CDK5: variants seen among roughly 807,000 people sequenced by gnomAD.
CDK5 encodes the protein cyclin dependent kinase 5.
In CDK5, 18 loss-of-function variants were observed where a neutral mutation model predicts 44.6. That is an observed-to-expected ratio of 0.40 (90% CI 0.28 to 0.60). The LOEUF (loss-of-function observed/expected upper bound fraction) is 0.60. Ranked by LOEUF, CDK5 falls within the 20% of genes least tolerant of loss-of-function variation. The pLI is 0.38. For missense variants in CDK5, 198 were observed against 368.1 expected (o/e 0.54, Z 3.78); for synonymous variants, 143 against 152.8 (o/e 0.94, Z 0.47).
Position 151,053,949 on chromosome 7 carries a change from C to G in CDK5, c.*60G>C. ...CACCAGGCACCCCCACTGTCTCACC[C>G]CTCTCAAGAGGGGGCTTAAATAGGC... On this transcript the variant is annotated 3_prime_UTR_variant, in exon 12 of 12. Transcript: ENST00000485972. 1.4e-6 allele frequency: 2 copies of G among 1,445,418 alleles called. No individual in the cohort carries two copies. Among genetic ancestry groups the G allele is most frequent in the Non-Finnish European group, 1.9e-6 (2 of 1,056,522 alleles). 89.5% of individuals were successfully genotyped at this position (1,445,418 alleles called of 1,614,324 possible).
At chr7:151,055,485 G>A in intron 7 of CDK5, 47 bp downstream of exon 7, 1 of 1,578,366 alleles carries the variant, frequency 6.3e-7, no homozygotes. Flanking sequence ...TGGGGTTGGA[G>A]CTGAGGGACT....
chr7:151,055,882 C>T (rs1270392177), intron 5 of CDK5, 34 bp from the exon 6 acceptor site: 1 of 1,439,990 alleles, frequency 6.9e-7, no homozygotes, highest in South Asian at 1.2e-5. Flanking sequence ...AGTCAGACGC[C>T]CTGAACATGC....
intron 8 of CDK5, 52 bp downstream of exon 8, chr7:151,055,225 T>C (rs894573544): frequency 1.9e-6 from 3 of 1,580,354 alleles, no homozygotes. Context: ...CAGACCCTAT[T>C]TGTCAACTCA....
rs1348037459 is a variant in CDK5, at chr7:151,054,328, G to C, written c.712-36C>G. 2 of 1,612,500 alleles carry C rather than the reference G, an allele frequency of 1.2e-6. No homozygotes were observed. The highest frequency in any genetic ancestry group is 1.7e-6 in the Non-Finnish European group (2 of 1,178,748). On this transcript the variant is annotated intron_variant, in intron 10 of 11. Coordinates refer to ENST00000485972, the MANE Select transcript of CDK5 (RefSeq NM_004935.4). The surrounding 1 kb of genome is among the most constrained non-coding windows in gnomAD (Gnocchi z 5.7). ...GCAGGGAGGGTCAGACTAGAGGTAGGGGGAGGGGGATGGAGGCGCTAGGAA... is the reference window on the plus strand; with the variant it reads ...GCAGGGAGGGTCAGACTAGAGGTAGCGGGAGGGGGATGGAGGCGCTAGGAA...
chr7:151,055,013 G>A lies in CDK5; in HGVS notation c.650+14C>T. On this transcript the variant is annotated intron_variant, in intron 9 of 11. Coordinates refer to ENST00000485972, the MANE Select transcript of CDK5 (RefSeq NM_004935.4). The stretch of plus-strand genomic sequence containing the variant: ...CCCTCCCAGAGGGCTCAAGGCAGAG[G>A]AAAGCAAGGATATCGGAAGATCCTC... The A allele has an allele frequency of 6.2e-7, 1 of 1,613,548 alleles. No individual in the cohort carries two copies. The highest frequency in any genetic ancestry group is 8.5e-7 in the Non-Finnish European group (1 of 1,179,612).
In CDK5 at chr7:151,054,788, C is replaced by G. The variant is rs1033123910; in HGVS notation, c.650+239G>C. On this transcript the variant is annotated intron_variant, in intron 9 of 11. Coordinates refer to ENST00000485972, the MANE Select transcript of CDK5 (RefSeq NM_004935.4). This position sits in a 1 kb window ranked among gnomAD's most constrained non-coding sequence, Gnocchi z 5.7. ...CATCCATCTCTCACCTGGAGGGACA[C>G]CCTCTCGGCTTCACCCCTCAGGGCA... Among the ~76,000 whole-genome samples the G allele has an allele frequency of 6.6e-6, 1 of 152,192 alleles. No individual in the cohort carries two copies. Among genetic ancestry groups the G allele is most frequent in the Non-Finnish European group, 1.5e-5 (1 of 68,026 alleles).
At position 151,054,038 on chromosome 7, in the gene CDK5, G is replaced by T. The variant is rs1796845039; in HGVS notation, c.850C>A (p.Pro284Thr). 6.3e-7 allele frequency: 1 copy of T among 1,599,864 alleles called. No individual in the cohort carries two copies. The highest frequency in any genetic ancestry group is 1.7e-4 in the Middle Eastern group (1 of 5,782). ...GGCGGACAGAAGTCGGAGAAGTAGG[G>T]GTGCTGCAGGGCCTCTTCTGCTGAG... is the stretch of plus-strand genomic sequence containing the variant. ...RISAEEALQH[P>T]YFSDFCPP Residue 284 changes from proline to threonine, a missense_variant, in exon 12 of 12, where the codon CCC (proline) becomes ACC (threonine). By Grantham distance (38) the Pro-to-Thr change is conservative. Coordinates refer to ENST00000485972, the MANE Select transcript of CDK5 (RefSeq NM_004935.4). The surrounding 1 kb of genome is among the most constrained non-coding windows in gnomAD (Gnocchi z 5.7).
At chr7:151,055,167 C>T in intron 8 of CDK5, 71 bp from the exon 9 acceptor site, 1 of 1,571,248 alleles carries the variant, frequency 6.4e-7, no homozygotes, top group East Asian at 2.2e-5. Context: ...CCCTGACCTT[C>T]CAGCTCCAGT....
At chr7:151,055,977 GAC>G (rs1427066221) in intron 5 of CDK5, 129 bp from the exon 6 acceptor site, 2 of 672,634 alleles carry the variant, frequency 3.0e-6, no homozygotes, top group African/African-American at 3.6e-5. Context: ...GGTTCAGAGT[GAC>G]ACCATTCATT....
Position 151,054,357 on chromosome 7 carries a change from G to A in CDK5, c.711+48C>T. 6.2e-7 allele frequency: 1 copy of A among 1,612,414 alleles called. No individual in the cohort carries two copies. On this transcript the variant is annotated intron_variant, in intron 10 of 11. Transcript: ENST00000485972. This position sits in a 1 kb window ranked among gnomAD's most constrained non-coding sequence, Gnocchi z 5.7. Reference sequence around the variant, plus strand: ...AGGGGGATGGAGGCGCTAGGAATGTGAAACGAGTGACCCTGATGAACCATG... The same window carrying A: ...AGGGGGATGGAGGCGCTAGGAATGTAAAACGAGTGACCCTGATGAACCATG...
Position 151,057,411 on chromosome 7 carries a change from CG to C in CDK5, c.38-252del. The C allele has an allele frequency of 1.7e-6, 1 of 593,472 alleles. No homozygotes were observed. Among genetic ancestry groups the C allele is most frequent in the Non-Finnish European group, 3.0e-6 (1 of 332,778 alleles). The allele number at this position is 593,472 out of a possible 1,614,324, so 36.8% of individuals were successfully genotyped here. A position where few individuals can be genotyped will look rare whatever the true frequency, so the allele number is the denominator to read the frequency against. ...AGGGCAAGGATGTCTAAAATGAAGG[CG>C]GTGCTCCGGAAGGGTCTGGAAATAG... On this transcript the variant is annotated intron_variant, in intron 1 of 11. Coordinates refer to ENST00000485972, the MANE Select transcript of CDK5 (RefSeq NM_004935.4). This position sits in a 1 kb window ranked among gnomAD's most constrained non-coding sequence, Gnocchi z 5.2.
In CDK5 at chr7:151,054,984, T is replaced by G. The variant is rs749792320; in HGVS notation, c.650+43A>C. 103 of 1,600,196 alleles carry G rather than the reference T, an allele frequency of 6.4e-5. No individual in the cohort carries two copies. Among genetic ancestry groups the G allele is most frequent in the Non-Finnish European group, 2.0e-5 (23 of 1,168,000 alleles). On this transcript the variant is annotated intron_variant, in intron 9 of 11. Transcript: ENST00000485972. This position sits in a 1 kb window ranked among gnomAD's most constrained non-coding sequence, Gnocchi z 5.7. ...CCATTGTGCTCAAAACTCCATGGAC[T>G]CTCCCCTCCCAGAGGGCTCAAGGCA... is the stretch of plus-strand genomic sequence containing the variant.
Position 151,057,686 on chromosome 7 carries a change from C to T in CDK5, c.37+126G>A, listed in dbSNP as rs757693662. 13 of 1,039,442 alleles carry T rather than the reference C, an allele frequency of 1.3e-5. No individual in the cohort carries two copies. Among genetic ancestry groups the T allele is most frequent in the Non-Finnish European group, 1.9e-5 (13 of 685,928 alleles). The allele number at this position is 1,039,442 out of a possible 1,614,324, so 64.4% of individuals were successfully genotyped here. The stretch of plus-strand genomic sequence containing the variant: ...TGCACGGAGTGCTGAGCTAGGGGGC[C>T]AGGGCTGCAGCCGCTGCTGAGATCG... On this transcript the variant is annotated intron_variant, in intron 1 of 11. Coordinates refer to ENST00000485972, the MANE Select transcript of CDK5 (RefSeq NM_004935.4). This position sits in a 1 kb window ranked among gnomAD's most constrained non-coding sequence, Gnocchi z 5.2.
Position 151,056,383 on chromosome 7 carries a change from CTG to C in CDK5, c.312+195_312+196del, listed in dbSNP as rs1260939985. On this transcript the variant is annotated intron_variant, in intron 5 of 11. Transcript: ENST00000485972. This position sits in a 1 kb window ranked among gnomAD's most constrained non-coding sequence, Gnocchi z 4.7. ...TAATATCACTGACATCAGAATGACA[CTG>C]TGCGGGTCAAAGATGACCACGTGAA... 3.3e-6 allele frequency: 2 copies of C among 607,616 alleles called. No homozygotes were observed. Among genetic ancestry groups the C allele is most frequent in the Non-Finnish European group, 5.9e-6 (2 of 341,288 alleles). The allele number at this position is 607,616 out of a possible 1,614,324, so 37.6% of individuals were successfully genotyped here.
Position 151,057,718 on chromosome 7 carries a change from G to T in CDK5, c.37+94C>A. On this transcript the variant is annotated intron_variant, in intron 1 of 11. Coordinates refer to ENST00000485972, the MANE Select transcript of CDK5 (RefSeq NM_004935.4). This position sits in a 1 kb window ranked among gnomAD's most constrained non-coding sequence, Gnocchi z 5.2. ...GCAGCCGCTGCTGAGATCGGAGCCT[G>T]TAGGCATTGCTGACGGTAAGGGAGC... The T allele has an allele frequency of 7.4e-7, 1 of 1,349,560 alleles. No individual in the cohort carries two copies. The highest frequency in any genetic ancestry group is 1.0e-6 in the Non-Finnish European group (1 of 961,422). The allele number at this position is 1,349,560 out of a possible 1,614,324, so 83.6% of individuals were successfully genotyped here.
At position 151,055,050 on chromosome 7, in the gene CDK5, A is replaced by G. The variant is rs772428305; in HGVS notation, c.627T>C (p.Asp209=). The change falls in exon 9 of 12, where the codon GAT becomes GAC. Residue 209 remains aspartate (D), a synonymous_variant. Transcript: ENST00000485972. ...GRPLFPGNDV[D]DQLKRIFRLL... is the part of the protein sequence containing the mutation. ...ATCGGAAGATCCTCTTCAACTGGTC[A>G]TCGACATCATTGCCGGGAAAAAGAG... The G allele has an allele frequency of 2.5e-6, 4 of 1,613,872 alleles. No individual in the cohort carries two copies. Among genetic ancestry groups the G allele is most frequent in the Non-Finnish European group, 3.4e-6 (4 of 1,179,850 alleles).
At position 151,056,031 on chromosome 7, in the gene CDK5, G is replaced by C. The variant is rs1796886873; in HGVS notation, c.313-183C>G. 1.7e-6 allele frequency: 1 copy of C among 591,046 alleles called. No homozygotes were observed. Among genetic ancestry groups the C allele is most frequent in the Non-Finnish European group, 3.0e-6 (1 of 330,722 alleles). The allele number at this position is 591,046 out of a possible 1,614,324, so 36.6% of individuals were successfully genotyped here. The stretch of plus-strand genomic sequence containing the variant: ...CTTTATACTGTGCTAGGCATTAGAG[G>C]GACCAAAGTAAAGAAGCTGGCTCTG... On this transcript the variant is annotated intron_variant, in intron 5 of 11. Transcript: ENST00000485972. This position sits in a 1 kb window ranked among gnomAD's most constrained non-coding sequence, Gnocchi z 4.7.
Position 151,056,441 on chromosome 7 carries a change from G to T in CDK5, c.312+139C>A. 2 of 730,296 alleles carry T rather than the reference G, an allele frequency of 2.7e-6. No homozygotes were observed. The highest frequency in any genetic ancestry group is 1.6e-5 in the South Asian group (1 of 61,632). The allele number at this position is 730,296 out of a possible 1,614,324, so 45.2% of individuals were successfully genotyped here. On this transcript the variant is annotated intron_variant, in intron 5 of 11. Transcript: ENST00000485972. The surrounding 1 kb of genome is among the most constrained non-coding windows in gnomAD (Gnocchi z 4.7). ...TCACTAAGACTGGAGACCCCTGGAGGACAGAAACAGGGTTTTCTCATTCTC... is the reference window on the plus strand; with the variant it reads ...TCACTAAGACTGGAGACCCCTGGAGTACAGAAACAGGGTTTTCTCATTCTC...
chr7:151,056,852 A>T lies in CDK5; in HGVS notation c.194+56T>A. 1 of 1,593,504 alleles carries T rather than the reference A, an allele frequency of 6.3e-7. No homozygotes were observed. Among genetic ancestry groups the T allele is most frequent in the Non-Finnish European group, 8.5e-7 (1 of 1,170,146 alleles). ...GTCCGCCTGACAGACGTCCAGTGTCAGCCCCCGCCTCCCCCAAGCGGCCAC... is the reference window on the plus strand; with the variant it reads ...GTCCGCCTGACAGACGTCCAGTGTCTGCCCCCGCCTCCCCCAAGCGGCCAC... On this transcript the variant is annotated intron_variant, in intron 3 of 11. Transcript: ENST00000485972. The surrounding 1 kb of genome is among the most constrained non-coding windows in gnomAD (Gnocchi z 4.7).
Sources: allele counts gnomAD v4.1 joint callset (sites outside exome capture counted in the v4.1 genomes callset), GRCh38; gene constraint gnomAD v4.1.1; non-coding constraint Gnocchi (gnomAD v3.1); transcripts MANE v1.5; gene names NCBI Gene and HGNC (gene_info 2026-07-23, HGNC 2026-07-21).